SLC12A8: variants seen among roughly 807,000 people sequenced by gnomAD.
The protein encoded by SLC12A8 is cation-chloride cotransporter 9.
SLC12A8 carries 69 observed loss-of-function variants against 75.6 expected under a neutral mutation model. The ratio of observed to expected loss-of-function variants is 0.91; its 90% CI spans 0.75 to 1.11. The LOEUF is 1.11. SLC12A8 is among the 50% of genes most tolerant of loss of function. The probability of loss-of-function intolerance (pLI) is 0.00; values close to 1 mark genes in which losing one functional copy is unlikely to be tolerated. For missense variants in SLC12A8, 877 were observed against 896.7 expected, an observed-to-expected ratio of 0.98 and a Z score of 0.28; for synonymous variants, 365 against 372.8, an observed-to-expected ratio of 0.98 and a Z score of 0.24.
intron 2 of SLC12A8, among the ~76,000 whole-genome samples, chr3:125,206,000 T>C (rs1292906855): frequency 6.6e-6 from 1 of 152,178 alleles, no homozygotes; most frequent in Non-Finnish European, 1.5e-5. Flanking sequence ...AAAGAGGGGC[T>C]AACAAGACTG....
At chr3:125,179,911 A>G (rs1406760731) in intron 4 of SLC12A8, among the ~76,000 whole-genome samples, 1 of 152,336 alleles carries the variant, frequency 6.6e-6, no homozygotes, top group East Asian at 1.9e-4. Flanking sequence ...AATAAAATAA[A>G]TGACAAAAAT....
In SLC12A8 at chr3:125,107,755, GGGCT is replaced by G; in HGVS notation, c.1427_1430del (p.Gln476ProfsTer96). 1.2e-6 allele frequency: 2 copies of G among 1,614,146 alleles called. No homozygotes were observed. Among genetic ancestry groups the G allele is most frequent in the South Asian group, 2.2e-5 (2 of 91,078 alleles). On this transcript the variant is annotated frameshift_variant, in exon 10 of 14. Coordinates refer to ENST00000469902, the MANE Select transcript of SLC12A8 (RefSeq NM_024628.6). LOFTEE classifies it high-confidence loss of function. ...GGGTCCTGTTACCCTCTCCTTGCCT[GGGCT>G]GGCTACTCTCAAGCTTCCTGGTTAG... is the stretch of plus-strand genomic sequence containing the variant.
intron 8 of SLC12A8, among the ~76,000 whole-genome samples, chr3:125,113,211 C>T (rs934896750): frequency 1.2e-4 from 19 of 152,146 alleles, no homozygotes; most frequent in African/African-American, 3.4e-4. Flanking sequence ...TTCCCACAGA[C>T]ACACCCTGGG....
At chr3:125,114,798 C>T (rs1330314873) in intron 8 of SLC12A8, among the ~76,000 whole-genome samples, 2 of 152,188 alleles carry the variant, frequency 1.3e-5, no homozygotes, top group African/African-American at 4.8e-5. Flanking sequence ...TAGCAAGCCC[C>T]AGGGCTCCTA....
At chr3:125,203,055 TC>T (rs2107803559) in intron 2 of SLC12A8, among the ~76,000 whole-genome samples, 1 of 131,864 alleles carries the variant, frequency 7.6e-6, no homozygotes, top group Admixed American at 9.0e-5. Context: ...ATCATTGCAC[TC>T]TAGCCTGGGG....
At chr3:125,109,004 C>T (rs1939110875) in intron 9 of SLC12A8, among the ~76,000 whole-genome samples, 1 of 152,210 alleles carries the variant, frequency 6.6e-6, no homozygotes, top group Non-Finnish European at 1.5e-5. Flanking sequence ...CTCTTCATCA[C>T]AGTCACTGAC....
At chr3:125,089,072 C>T (rs116584597) in intron 12 of SLC12A8, among the ~76,000 whole-genome samples, 5,110 of 152,122 alleles carry the variant, frequency 0.034, 149 homozygotes, top group African/African-American at 0.066. Flanking sequence ...AAAATGCTTT[C>T]CTAAATTATA....
At chr3:125,115,850 A>G (rs1482394647) in intron 8 of SLC12A8, among the ~76,000 whole-genome samples, 1 of 152,134 alleles carries the variant, frequency 6.6e-6, no homozygotes, top group Non-Finnish European at 1.5e-5. Context: ...GCCTTTTTTC[A>G]GGCCCAGGAA....
At chr3:125,107,117 C>T (rs554508355) in intron 10 of SLC12A8, among the ~76,000 whole-genome samples, 56 of 152,292 alleles carry the variant, frequency 3.7e-4, no homozygotes, top group Non-Finnish European at 5.6e-4. Flanking sequence ...GCATCCTTAA[C>T]AGGTAGTTTA....
At chr3:125,157,580 C>A (rs947787810) in intron 5 of SLC12A8, among the ~76,000 whole-genome samples, 1 of 152,196 alleles carries the variant, frequency 6.6e-6, no homozygotes, top group African/African-American at 2.4e-5. Context: ...GTCCCCAAAC[C>A]CTGTCCCAGC....
intron 10 of SLC12A8, among the ~76,000 whole-genome samples, chr3:125,103,232 T>C (rs565745382): frequency 1.3e-5 from 2 of 152,082 alleles, no homozygotes; most frequent in Non-Finnish European, 2.9e-5. Context: ...CTCATCCTGT[T>C]CCCAGAATGC....
At chr3:125,110,155 TCAAAAAACAAAC>T (rs778651343) in intron 9 of SLC12A8, 22 bp downstream of exon 9, 2 of 1,595,150 alleles carry the variant, frequency 1.3e-6, no homozygotes, top group South Asian at 2.2e-5. Context: ...AAAACATGTT[TCAAAAAACAAAC>T]CAAAAAAAGA....
At chr3:125,204,678 T>G (rs1023666955) in intron 2 of SLC12A8, among the ~76,000 whole-genome samples, 1 of 152,138 alleles carries the variant, frequency 6.6e-6, no homozygotes, top group East Asian at 1.9e-4. Context: ...AGGGTAACTA[T>G]AGTCAACAAT....
At chr3:125,090,102 T>C (rs898818287) in intron 12 of SLC12A8, among the ~76,000 whole-genome samples, 1 of 152,026 alleles carries the variant, frequency 6.6e-6, no homozygotes, top group Non-Finnish European at 1.5e-5. Flanking sequence ...GGAGACAGAG[T>C]CTTGTTATTT....
intron 5 of SLC12A8, among the ~76,000 whole-genome samples, chr3:125,169,280 C>T (rs1353857960): frequency 1.3e-5 from 2 of 152,146 alleles, no homozygotes; most frequent in Non-Finnish European, 2.9e-5. Context: ...AGTTATCGTG[C>T]TATTTAGCTT....
At chr3:125,165,850 A>G (rs540460805) in intron 5 of SLC12A8, among the ~76,000 whole-genome samples, 2 of 152,270 alleles carry the variant, frequency 1.3e-5, no homozygotes, top group East Asian at 3.9e-4. Flanking sequence ...AGCAGCCAGA[A>G]CATCCATGTG....
At chr3:125,187,161 A>C in intron 4 of SLC12A8, 76 bp downstream of exon 4, 2 of 1,468,022 alleles carry the variant, frequency 1.4e-6, no homozygotes, top group East Asian at 2.3e-5. Context: ...GCTTCTCCCC[A>C]GGTCAAGTGA....
rs3732495 is a variant in SLC12A8 at position 125,135,730 on chromosome 3, G to C, written c.675C>G (p.Pro225=). The C allele has an allele frequency of 1.2e-6, 2 of 1,610,098 alleles. No individual in the cohort carries two copies. Among genetic ancestry groups the C allele is most frequent in the Non-Finnish European group, 1.7e-6 (2 of 1,177,484 alleles). Residue 225 remains proline, a synonymous_variant, in exon 6 of 14, where the codon CCC becomes CCG. Coordinates refer to ENST00000469902, the MANE Select transcript of SLC12A8 (RefSeq NM_024628.6). The part of the protein sequence containing the change: ...SPELLQNNTL[P]DYSPGESFFT... Reference sequence around the variant, plus strand: ...AAAAAGATTCCCCCGGGCTGTAATCGGGCAGCGTGTTGTTCTGTAGCAGTT... The same window carrying C: ...AAAAAGATTCCCCCGGGCTGTAATCCGGCAGCGTGTTGTTCTGTAGCAGTT...
At chr3:125,119,393 T>C (rs1415447536) in intron 7 of SLC12A8, among the ~76,000 whole-genome samples, 4 of 152,212 alleles carry the variant, frequency 2.6e-5, no homozygotes, top group Non-Finnish European at 1.5e-5. Context: ...TGGTCTGTTA[T>C]CTTTGGATCA....
Sources: gnomAD v4.1 joint callset for allele counts (sites outside exome capture counted in the v4.1 genomes callset) on GRCh38, gnomAD v4.1.1 for gene constraint, MANE v1.5 for transcripts, NCBI Gene and HGNC (gene_info 2026-07-23, HGNC 2026-07-21) for gene names.